The following GOLGA6C variants were observed in gnomAD, a reference collection of about 807,000 sequenced individuals.
GOLGA6C encodes golgin A6 family member C, also known as golgin subfamily A member 6C.
Under a neutral mutation model 57.5 loss-of-function variants are expected in GOLGA6C, and 3 were observed. That is an observed-to-expected ratio of 0.05 (90% confidence interval 0.02 to 0.13). The LOEUF is 0.13. GOLGA6C is among the 10% of genes least tolerant of loss of function. The probability of loss-of-function intolerance (pLI) is 1.00; values close to 1 mark genes in which losing one functional copy is unlikely to be tolerated. For missense variants in GOLGA6C, 88 were observed against 525.6 expected (o/e 0.17, Z 8.14); for synonymous variants, 32 against 203.8 (o/e 0.16, Z 7.18).
rs764247745 is a variant in GOLGA6C, at chr15:75,270,153, C to A, written c.2036C>A (p.Pro679Gln). 1 of 1,592,290 alleles carries A rather than the reference C, an allele frequency of 6.3e-7. No individual in the cohort carries two copies. The highest frequency in any genetic ancestry group is 1.4e-5 in the African/African-American group (1 of 69,752). ...AREGSPHDNPPVQQIVQLSPV... is the reference protein window; with the variant it reads ...AREGSPHDNPQVQQIVQLSPV... ...GAGGGTTCTCCCCATGACAACCCCC[C>A]GGTACAGCAGATCGTGCAGCTGTCT... Residue 679 changes from proline (P) to glutamine (Q), a missense_variant, in exon 18 of 18, where the codon CCG becomes CAG. Pro to Gln is a moderately conservative substitution (Grantham distance 76, BLOSUM62 -1). Transcript: ENST00000300576.
rs561764193 is a variant in GOLGA6C at position 75,270,087 on chromosome 15, G to T, written c.1970G>T (p.Ser657Ile). 4 of 1,603,984 alleles carry T rather than the reference G, an allele frequency of 2.5e-6. No homozygotes were observed. Among genetic ancestry groups the T allele is most frequent in the Non-Finnish European group, 3.4e-6 (4 of 1,176,846 alleles). Residue 657 changes from serine to isoleucine, a missense_variant, in exon 18 of 18, where the codon AGC (serine) becomes ATC (isoleucine). By Grantham distance (142) the Ser-to-Ile change is moderately radical (BLOSUM62 -2). Transcript: ENST00000300576. Reference sequence around the variant, plus strand: ...CTCTCCGAAGATTTTTATGAAGTGAGCCTGGACAACAACGTGGAGCCTGCA... The same window carrying T: ...CTCTCCGAAGATTTTTATGAAGTGATCCTGGACAACAACGTGGAGCCTGCA... Reference protein sequence around the residue: ...AGEQDDFYEVSLDNNVEPAPG... With the variant: ...AGEQDDFYEVILDNNVEPAPG...
intron 14 of GOLGA6C, 147 bp from the exon 15 acceptor site, chr15:75,269,306 A>G (rs2415190): frequency 2.8e-4 from 165 of 595,754 alleles, no homozygotes; most frequent in African/African-American, 2.3e-3. Context: ...AGGACTGGAG[A>G]TGAGTTTGTG....
At position 75,265,156 on chromosome 15, in the gene GOLGA6C, G is replaced by T. The variant is rs199815577; in HGVS notation, c.599G>T (p.Arg200Leu). The T allele has an allele frequency of 6.2e-7, 1 of 1,600,036 alleles. No homozygotes were observed. The highest frequency in any genetic ancestry group is 1.7e-5 in the Admixed American group (1 of 59,490). Reference sequence around the variant, plus strand: ...TGCAGAGAAGCGGTCCTCCAGCGGCGGTTACAGCAGACCATAAAGGAGCGG... The same window carrying T: ...TGCAGAGAAGCGGTCCTCCAGCGGCTGTTACAGCAGACCATAAAGGAGCGG... ...SSCREAVLQR[R>L]LQQTIKERAL... The change falls in exon 8 of 18, where the codon CGG becomes CTG. Residue 200 changes from arginine to leucine, a missense_variant. Physicochemically the swap from Arg to Leu is moderately radical, Grantham distance 102. Coordinates refer to ENST00000300576, the MANE Select transcript of GOLGA6C (RefSeq NM_001164404.2).
rs1266146844 is a variant in GOLGA6C, at chr15:75,273,046, T to C, written c.*2847T>C. Among the ~76,000 whole-genome samples the C allele has an allele frequency of 2.0e-5, 3 of 152,070 alleles. No individual in the cohort carries two copies. The highest frequency in any genetic ancestry group is 7.3e-5 in the African/African-American group (3 of 41,330). On this transcript the variant is annotated 3_prime_UTR_variant, in exon 18 of 18. Transcript: ENST00000300576. ...TGGGTTTTCCAGAAATGAAAACAAGTCAGTTCTAAAACCAAAGCTGATATT... is the reference window on the plus strand; with the variant it reads ...TGGGTTTTCCAGAAATGAAAACAAGCCAGTTCTAAAACCAAAGCTGATATT...
At chr15:75,260,549 T>C (rs2070731484) in intron 2 of GOLGA6C, 57 bp downstream of exon 2, 1 of 979,650 alleles carries the variant, frequency 1.0e-6, no homozygotes, top group African/African-American at 1.8e-5. Flanking sequence ...CAGTAGAGGG[T>C]AATTGTTGAG....
rs371893987 is a variant in GOLGA6C at position 75,270,188 on chromosome 15, C to G, written c.2071C>G (p.Gln691Glu). The G allele has an allele frequency of 1.8e-5, 28 of 1,592,984 alleles. 5 individuals carry two copies. In the East Asian group the frequency reaches 2.1e-4, roughly 12 times the overall value. ...QQIVQLSPVM[Q>E]DT ...GATCGTGCAGCTGTCTCCTGTCATG[C>G]AGGACACCTAGGAGCACCCAGGCTT... Residue 691 changes from glutamine to glutamate, a missense_variant, in exon 18 of 18, where the codon CAG becomes GAG. Coordinates refer to ENST00000300576, the MANE Select transcript of GOLGA6C (RefSeq NM_001164404.2).
In GOLGA6C at chr15:75,270,154, G is replaced by A. The variant is rs2636845; in HGVS notation, c.2037G>A (p.Pro679=). ...AREGSPHDNP[P]VQQIVQLSPV... ...AGGGTTCTCCCCATGACAACCCCCC[G>A]GTACAGCAGATCGTGCAGCTGTCTC... Residue 679 remains proline (P), a synonymous_variant, in exon 18 of 18, where the codon CCG becomes CCA. Coordinates refer to ENST00000300576, the MANE Select transcript of GOLGA6C (RefSeq NM_001164404.2). The A allele has an allele frequency of 2.3e-4, 364 of 1,589,994 alleles. 18 individuals carry two copies. The highest frequency in any genetic ancestry group is 8.0e-4 in the African/African-American group (55 of 68,654).
rs1298857128 is a variant in GOLGA6C at position 75,272,936 on chromosome 15, T to C, written c.*2737T>C. On this transcript the variant is annotated 3_prime_UTR_variant, in exon 18 of 18. Coordinates refer to ENST00000300576, the MANE Select transcript of GOLGA6C (RefSeq NM_001164404.2). ...AAAGTGTGGGTTCAACTGAATAAATTTGAATTTCTGTAGGAAGTAAAGAAT... is the reference window on the plus strand; with the variant it reads ...AAAGTGTGGGTTCAACTGAATAAATCTGAATTTCTGTAGGAAGTAAAGAAT... Among the ~76,000 whole-genome samples the C allele has an allele frequency of 2.0e-4, 30 of 152,046 alleles. No homozygotes were observed. Among genetic ancestry groups the C allele is most frequent in the African/African-American group, 4.1e-4 (17 of 41,298 alleles).
rs1399537152 is a variant in GOLGA6C, at chr15:75,272,926, C to T, written c.*2727C>T. 3.9e-5 allele frequency among the ~76,000 whole-genome samples: 6 copies of T among 151,982 alleles called. No homozygotes were observed. Among genetic ancestry groups the T allele is most frequent in the African/African-American group, 1.5e-4 (6 of 41,200 alleles). On this transcript the variant is annotated 3_prime_UTR_variant, in exon 18 of 18. Transcript: ENST00000300576. The stretch of plus-strand genomic sequence containing the variant: ...ATAGAATTTTAAAGTGTGGGTTCAA[C>T]TGAATAAATTTGAATTTCTGTAGGA...
chr15:75,259,122 G>A (rs1462266141), intron 1 of GOLGA6C, among the ~76,000 whole-genome samples: 1 of 151,934 alleles, frequency 6.6e-6, no homozygotes, highest in Non-Finnish European at 1.5e-5. Context: ...ACCCAAGCCC[G>A]ACCTCCCTGG....
intron 1 of GOLGA6C, among the ~76,000 whole-genome samples, chr15:75,258,934 T>C (rs1262479565): frequency 1.3e-5 from 2 of 150,168 alleles, no homozygotes; most frequent in Non-Finnish European, 1.5e-5. Context: ...ACCTGCTCCA[T>C]ATTCAGCCCT....
At chr15:75,259,272 C>T (rs1355781257) in intron 1 of GOLGA6C, among the ~76,000 whole-genome samples, 1 of 138,198 alleles carries the variant, frequency 7.2e-6, no homozygotes, top group Non-Finnish European at 1.5e-5. Context: ...ATGTCACAGT[C>T]CTCCTAGGAA....
rs765543382 is a variant in GOLGA6C at position 75,270,111 on chromosome 15, C to T, written c.1994C>T (p.Ala665Val). The part of the protein sequence containing the change: ...EVSLDNNVEP[A>V]PGAAREGSPH... Reference sequence around the variant, plus strand: ...AGCCTGGACAACAACGTGGAGCCTGCACCAGGAGCGGCCAGGGAGGGTTCT... The same window carrying T: ...AGCCTGGACAACAACGTGGAGCCTGTACCAGGAGCGGCCAGGGAGGGTTCT... The change falls in exon 18 of 18, where the codon GCA becomes GTA. Residue 665 changes from alanine (A) to valine (V), a missense_variant. Coordinates refer to ENST00000300576, the MANE Select transcript of GOLGA6C (RefSeq NM_001164404.2). 295 of 1,601,812 alleles carry T rather than the reference C, an allele frequency of 1.8e-4. 11 individuals carry two copies. Among genetic ancestry groups the T allele is most frequent in the Non-Finnish European group, 2.4e-4 (284 of 1,176,536 alleles).
chr15:75,273,010 G>A lies in GOLGA6C; in HGVS notation c.*2811G>A, dbSNP rs2070796763. Among the ~76,000 whole-genome samples the A allele has an allele frequency of 2.0e-5, 3 of 151,964 alleles. No individual in the cohort carries two copies. Among genetic ancestry groups the A allele is most frequent in the Non-Finnish European group, 2.9e-5 (2 of 68,054 alleles). ...ATATATAATCATTTTTAAAGTATTT[G>A]TTTAACCTGATGGGTTTTCCAGAAA... On this transcript the variant is annotated 3_prime_UTR_variant, in exon 18 of 18. Transcript: ENST00000300576.
intron 7 of GOLGA6C, 89 bp from the exon 8 acceptor site, chr15:75,265,033 C>A: frequency 6.6e-7 from 1 of 1,509,644 alleles, no homozygotes; most frequent in South Asian, 1.2e-5. Context: ...CCTTTACTAA[C>A]CGAGTTGTAT....
chr15:75,270,233 C>G lies in GOLGA6C; in HGVS notation c.*34C>G. ...AGGCTTGCCCAGCAAACCCTGCGTG[C>G]CATTCTTCTACCAGGCAGCCGAGAA... is the stretch of plus-strand genomic sequence containing the variant. On this transcript the variant is annotated 3_prime_UTR_variant, in exon 18 of 18. Transcript: ENST00000300576. 6.3e-7 allele frequency: 1 copy of G among 1,584,166 alleles called. No homozygotes were observed.
chr15:75,265,463 AC>A, intron 9 of GOLGA6C, 39 bp downstream of exon 9: 1 of 1,369,432 alleles, frequency 7.3e-7, no homozygotes, highest in South Asian at 1.2e-5. Flanking sequence ...TAGATAGGTC[AC>A]TGGATCTTTC....
At position 75,272,754 on chromosome 15, in the gene GOLGA6C, A is replaced by G. The variant is rs1463912995; in HGVS notation, c.*2555A>G. On this transcript the variant is annotated 3_prime_UTR_variant, in exon 18 of 18. Coordinates refer to ENST00000300576, the MANE Select transcript of GOLGA6C (RefSeq NM_001164404.2). Reference sequence around the variant, plus strand: ...AATTAAATAGCATGTAAATCATATAACAATAACTTAAGTCTTTCTTCAAAG... The same window carrying G: ...AATTAAATAGCATGTAAATCATATAGCAATAACTTAAGTCTTTCTTCAAAG... Among the ~76,000 whole-genome samples the G allele has an allele frequency of 6.6e-6, 1 of 150,920 alleles. No homozygotes were observed. Among genetic ancestry groups the G allele is most frequent in the Non-Finnish European group, 1.5e-5 (1 of 68,050 alleles).
chr15:75,273,016 C>A lies in GOLGA6C; in HGVS notation c.*2817C>A, dbSNP rs1215323639. 6.6e-6 allele frequency among the ~76,000 whole-genome samples: 1 copy of A among 151,938 alleles called. No individual in the cohort carries two copies. The stretch of plus-strand genomic sequence containing the variant: ...AATCATTTTTAAAGTATTTGTTTAA[C>A]CTGATGGGTTTTCCAGAAATGAAAA... On this transcript the variant is annotated 3_prime_UTR_variant, in exon 18 of 18. Coordinates refer to ENST00000300576, the MANE Select transcript of GOLGA6C (RefSeq NM_001164404.2).
Sources: gnomAD v4.1 joint callset for allele counts (sites outside exome capture counted in the v4.1 genomes callset) on GRCh38, gnomAD v4.1.1 for gene constraint, MANE v1.5 for transcripts, NCBI Gene and HGNC (gene_info 2026-07-23, HGNC 2026-07-21) for gene names.